The following STAT6 variants were observed in gnomAD, a reference collection of about 807,000 sequenced individuals.
STAT6 encodes signal transducer and activator of transcription 6.
A neutral mutation model predicts 106.3 loss-of-function variants in STAT6; 45 were observed. That is an observed-to-expected ratio of 0.42 (90% CI 0.33 to 0.54). The LOEUF is 0.54. Ranked by LOEUF, STAT6 falls within the 20% of genes least tolerant of loss-of-function variation. The pLI is 0.06. For missense variants in STAT6, 797 were observed against 1,062.2 expected, an observed-to-expected ratio of 0.75 and a Z score of 3.47; for synonymous variants, 413 against 413.6, an observed-to-expected ratio of 1.00 and a Z score of 0.02.
At chr12:57,105,698 G>T in intron 7 of STAT6, 99 bp from the exon 8 acceptor site, 1 of 1,475,486 alleles carries the variant, frequency 6.8e-7, no homozygotes, top group Non-Finnish European at 9.0e-7. Context: ...TATCATGTGT[G>T]GAGAAGTGGG....
chr12:57,100,658 AAGAAAGAAAGAAAGAAAG>A (rs1289211838), intron 13 of STAT6, among the ~76,000 whole-genome samples: 2 of 59,672 alleles, frequency 3.4e-5, no homozygotes, highest in African/African-American at 1.3e-4. Context: ...GAAAGAAAGA[AAGAAAGAAAGAAAGAAAG>A]AAAGAAAGAA....
chr12:57,110,436 T>G (rs560312055), intron 1 of STAT6: 4 of 152,366 alleles, frequency 2.6e-5, no homozygotes, highest in Non-Finnish European at 4.4e-5. Flanking sequence ...GCCCGCTTGG[T>G]GGCCTAAACT....
At chr12:57,108,364 GC>G in intron 1 of STAT6, 65 bp from the exon 2 acceptor site, 1 of 832,506 alleles carries the variant, frequency 1.2e-6, no homozygotes, top group Non-Finnish European at 2.0e-6. Flanking sequence ...TCCTGGGGCA[GC>G]CAGGGACCTC....
chr12:57,100,696 GAAAGAGAAAGAAAGAA>G (rs1167927082), intron 13 of STAT6: 555 of 48,810 alleles, frequency 0.011, no homozygotes, highest in African/African-American at 0.03. Flanking sequence ...AAGAAAGAAA[GAAAGAGAAAGAAAGAA>G]AGAAAGAAAG....
chr12:57,099,662 C>A lies in STAT6; in HGVS notation c.1744+105G>T. 1 of 1,517,422 alleles carries A rather than the reference C, an allele frequency of 6.6e-7. No homozygotes were observed. Among genetic ancestry groups the A allele is most frequent in the African/African-American group, 1.4e-5 (1 of 72,074 alleles). The allele number at this position is 1,517,422 out of a possible 1,614,324, so 94.0% of individuals were successfully genotyped here. On this transcript the variant is annotated intron_variant, in intron 15 of 21. Transcript: ENST00000300134. This position sits in a 1 kb window ranked among gnomAD's most constrained non-coding sequence, Gnocchi z 4.7. ...GGAAGAAGAGAAGCTGGAAGAACTT[C>A]CTGAAGATCAGGATCGGCATCAGGA... is the stretch of plus-strand genomic sequence containing the variant.
chr12:57,107,094 C>G, intron 4 of STAT6, 137 bp downstream of exon 4: 1 of 1,056,410 alleles, frequency 9.5e-7, no homozygotes, highest in Middle Eastern at 3.1e-4. Context: ...TCACTCTGAC[C>G]CTAGGAACCT....
rs1220777773 is a variant in STAT6 at position 57,106,271 on chromosome 12, C to T, written c.600G>A (p.Arg200=). ...GCTGCTGCCGTTTCCAAATCTGGAT[C>T]CTCTTCAGCACTAGGGCTTTGGCTG... ...LEAAKALVLK[R]IQIWKRQQQL... Residue 200 remains arginine, a synonymous_variant, in exon 7 of 22, where the codon AGG becomes AGA. Transcript: ENST00000300134. 5.0e-6 allele frequency: 8 copies of T among 1,614,234 alleles called. 1 individual carries two copies. The South Asian group carries it at 7.7e-5, about 16-fold the overall frequency.
chr12:57,098,308 A>G (rs1482340894), intron 19 of STAT6, among the ~76,000 whole-genome samples, 197 bp downstream of exon 19: 2 of 152,204 alleles, frequency 1.3e-5, no homozygotes. Context: ...TTTGCCCCAA[A>G]CCAGTAAGTG....
At position 57,105,315 on chromosome 12, in the gene STAT6, G is replaced by C; in HGVS notation, c.837C>G (p.Pro279=). The C allele has an allele frequency of 6.2e-7, 1 of 1,614,086 alleles. No homozygotes were observed. The highest frequency in any genetic ancestry group is 8.5e-7 in the Non-Finnish European group (1 of 1,179,970). ...TGGTCTGAGTCTTCAGTACCTGGGG[G>C]GGCTGCTTCTCCACCAGGAAGCAAC... The part of the protein sequence containing the change: ...VTSCFLVEKQ[P]PQVLKTQTKF... Residue 279 remains proline (P), a synonymous_variant, in exon 9 of 22, where the codon CCC becomes CCG. Coordinates refer to ENST00000300134, the MANE Select transcript of STAT6 (RefSeq NM_003153.5).
Position 57,097,133 on chromosome 12 carries a change from C to A in STAT6, c.2160G>T (p.Glu720Asp). The A allele has an allele frequency of 2.0e-6, 3 of 1,512,148 alleles. No individual in the cohort carries two copies. The highest frequency in any genetic ancestry group is 2.7e-6 in the Non-Finnish European group (3 of 1,130,956). The allele number at this position is 1,512,148 out of a possible 1,614,324, so 93.7% of individuals were successfully genotyped here. The change falls in exon 20 of 22, where the codon GAG becomes GAT. Residue 720 changes from glutamate to aspartate, a missense_variant and splice_region_variant. Coordinates refer to ENST00000300134, the MANE Select transcript of STAT6 (RefSeq NM_003153.5). ...GGCTGGGGGGCATCTGCAGGTGAGG[C>A]CTGGAAGTAGGGAGAGCACAGTTAG... ...ESVNVLSAFQ[E>D]PHLQMPPSLG...
At chr12:57,106,165 C>G (rs367954098) in intron 7 of STAT6, 26 bp downstream of exon 7, 300 of 1,612,540 alleles carry the variant, frequency 1.9e-4, no homozygotes, top group Non-Finnish European at 2.5e-4. Flanking sequence ...AGCTTGCCCC[C>G]TCTTCCCCAT....
At chr12:57,097,016 C>T in intron 20 of STAT6, 38 bp from the exon 21 acceptor site, 3 of 1,603,790 alleles carry the variant, frequency 1.9e-6, no homozygotes, top group Non-Finnish European at 2.6e-6. Flanking sequence ...GAGAGCGGGG[C>T]AAGGCCAGGA....
At chr12:57,104,344 T>G in intron 11 of STAT6, 120 bp downstream of exon 11, 3 of 1,412,076 alleles carry the variant, frequency 2.1e-6, no homozygotes, top group Non-Finnish European at 2.9e-6. Context: ...CCAGTGTGCA[T>G]GAATCCCAGA....
chr12:57,098,430 G>A, intron 19 of STAT6, 75 bp downstream of exon 19: 1 of 1,427,598 alleles, frequency 7.0e-7, no homozygotes, highest in Non-Finnish European at 9.9e-7. Context: ...CTTTCTCACA[G>A]AAGAGCCTCT....
chr12:57,107,585 C>T lies in STAT6; in HGVS notation c.255+20G>A, dbSNP rs745988895. 2.9e-5 allele frequency: 47 copies of T among 1,610,684 alleles called. No homozygotes were observed. The South Asian group carries it at 4.7e-4, about 16-fold the overall frequency. ...CAACCTCAGCCCCACCCAGCCTTGT[C>T]CCCTCCCCTCCTGCCCCACCTCAAG... is the stretch of plus-strand genomic sequence containing the variant. On this transcript the variant is annotated intron_variant, in intron 3 of 21. Transcript: ENST00000300134.
chr12:57,099,837 G>A lies in STAT6; in HGVS notation c.1674C>T (p.Thr558=). ...TSLLLNEPDG[T]FLLRFSDSEI... ...CTGAGTCGCTGAAGCGGAGGAGAAA[G>A]GTTCCGTCGGGCTCATTGAGAAGAA... Residue 558 remains threonine, a synonymous_variant, in exon 15 of 22, where the codon ACC becomes ACT. Transcript: ENST00000300134. This position sits in a 1 kb window ranked among gnomAD's most constrained non-coding sequence, Gnocchi z 4.7. 1.2e-6 allele frequency: 2 copies of A among 1,614,242 alleles called. No individual in the cohort carries two copies. Among genetic ancestry groups the A allele is most frequent in the Admixed American group, 1.7e-5 (1 of 60,028 alleles).
chr12:57,105,616 G>T lies in STAT6; in HGVS notation c.681-17C>A. 7 of 1,613,010 alleles carry T rather than the reference G, an allele frequency of 4.3e-6. No individual in the cohort carries two copies. The highest frequency in any genetic ancestry group is 5.9e-6 in the Non-Finnish European group (7 of 1,179,666). Reference sequence around the variant, plus strand: ...CTTTCACACCTGGGGCCAGGACAGTGGTCAGGGGGCACAGGATTAAGGCTG... The same window carrying T: ...CTTTCACACCTGGGGCCAGGACAGTTGTCAGGGGGCACAGGATTAAGGCTG... On this transcript the variant is annotated splice_polypyrimidine_tract_variant and intron_variant, in intron 7 of 21. Transcript: ENST00000300134.
Position 57,108,292 on chromosome 12 carries a change from G to C in STAT6, c.-14C>G. On this transcript the variant is annotated 5_prime_UTR_variant, in exon 2 of 22. Transcript: ENST00000300134. The stretch of plus-strand genomic sequence containing the variant: ...CCACAGAGACATGATCTGGGACTTG[G>C]AGGTTGCCTGGAGGAGAAAAATAAG... The C allele has an allele frequency of 1.3e-6, 2 of 1,564,406 alleles. No homozygotes were observed. Among genetic ancestry groups the C allele is most frequent in the Admixed American group, 3.4e-5 (2 of 57,996 alleles).
chr12:57,107,338 A>T (rs1221746891), intron 3 of STAT6, 24 bp from the exon 4 acceptor site: 2 of 1,606,644 alleles, frequency 1.2e-6, no homozygotes, highest in Non-Finnish European at 1.7e-6. Flanking sequence ...GGTGGTAAAC[A>T]GTGAGCTTTG....
Sources: allele counts gnomAD v4.1 joint callset (sites outside exome capture counted in the v4.1 genomes callset), GRCh38; gene constraint gnomAD v4.1.1; non-coding constraint Gnocchi (gnomAD v3.1); transcripts MANE v1.5; gene names NCBI Gene and HGNC (gene_info 2026-07-23, HGNC 2026-07-21).